ACACA: variants seen among roughly 807,000 people sequenced by gnomAD.
ACACA encodes the protein acetyl-CoA carboxylase alpha, also known as acetyl-CoA carboxylase 1.
ACACA carries 103 observed loss-of-function variants against 296.1 expected under a neutral mutation model. The observed-to-expected ratio is 0.35, with a 90% CI of 0.30 to 0.41. The LOEUF (loss-of-function observed/expected upper bound fraction) is 0.41, where lower values mean the gene tolerates loss of function less well. ACACA is among the 10% of genes least tolerant of loss of function. The pLI is 1.00. For missense variants in ACACA, 1,554 were observed against 2,989.7 expected, an observed-to-expected ratio of 0.52 and a Z score of 11.20; for synonymous variants, 953 against 1,038.6, an observed-to-expected ratio of 0.92 and a Z score of 1.58.
intron 2 of ACACA, among the ~76,000 whole-genome samples, chr17:37,332,220 T>A (rs1239974575): frequency 1.8e-4 from 25 of 138,550 alleles, no homozygotes; most frequent in African/African-American, 2.4e-4. Flanking sequence ...AAGTATAATT[T>A]AAAAAAAAAA....
At chr17:37,156,386 A>C (rs2076253723) in intron 42 of ACACA, among the ~76,000 whole-genome samples, 1 of 151,132 alleles carries the variant, frequency 6.6e-6, no homozygotes, top group Non-Finnish European at 1.5e-5. Flanking sequence ...AACAGGGTTA[A>C]AGGGTCATTT....
intron 1 of ACACA, among the ~76,000 whole-genome samples, chr17:37,345,839 G>T (rs1267963099): frequency 3.3e-5 from 5 of 152,128 alleles, no homozygotes; most frequent in Non-Finnish European, 7.3e-5. Flanking sequence ...GATCAGGGGA[G>T]ATTAATGAGA....
At chr17:37,134,026 G>A (rs747806228) in intron 45 of ACACA, among the ~76,000 whole-genome samples, 5 of 152,096 alleles carry the variant, frequency 3.3e-5, no homozygotes, top group African/African-American at 1.2e-4. Context: ...TGCAGCCGGC[G>A]GACCTAAGAA....
At chr17:37,235,799 G>T (rs957036334) in intron 24 of ACACA, among the ~76,000 whole-genome samples, 2 of 152,090 alleles carry the variant, frequency 1.3e-5, no homozygotes, top group African/African-American at 4.8e-5. Flanking sequence ...AAGTCAAAAG[G>T]TCTGTAGGGA....
chr17:37,210,433 C>T (rs1337088220), intron 30 of ACACA, 34 bp downstream of exon 30: 1 of 1,599,614 alleles, frequency 6.3e-7, no homozygotes, highest in Admixed American at 1.7e-5. Flanking sequence ...CATAAAGGTG[C>T]TTTTAATTGG....
At chr17:37,216,033 A>C (rs934482041) in intron 29 of ACACA, among the ~76,000 whole-genome samples, 11 of 151,222 alleles carry the variant, frequency 7.3e-5, no homozygotes, top group Non-Finnish European at 1.3e-4. Flanking sequence ...TCAAGAACAC[A>C]AGTCAGTTAA....
chr17:37,130,050 T>G, intron 46 of ACACA, 25 bp downstream of exon 46: 1 of 1,613,914 alleles, frequency 6.2e-7, no homozygotes, highest in Non-Finnish European at 8.5e-7. Context: ...GCAGGCCATG[T>G]CAGTGCTGGG....
intron 28 of ACACA, among the ~76,000 whole-genome samples, chr17:37,222,289 T>C (rs2079331497): frequency 6.6e-6 from 1 of 152,128 alleles, no homozygotes; most frequent in Admixed American, 6.5e-5. Context: ...GTTCAACTCT[T>C]TTACTATCTC....
At chr17:37,257,670 T>C (rs770405443) in intron 14 of ACACA, 33 bp downstream of exon 14, 13 of 1,609,654 alleles carry the variant, frequency 8.1e-6, no homozygotes, top group Middle Eastern at 1.7e-4. Context: ...CAAATTTATT[T>C]TGTAAAATGC....
At chr17:37,290,462 T>C (rs969490248) in intron 3 of ACACA, among the ~76,000 whole-genome samples, 20 of 152,218 alleles carry the variant, frequency 1.3e-4, no homozygotes, top group African/African-American at 3.1e-4. Context: ...GCTCTTCACA[T>C]GCACTGGCAT....
intron 3 of ACACA, among the ~76,000 whole-genome samples, chr17:37,326,570 C>A (rs2047633872): frequency 6.6e-6 from 1 of 151,896 alleles, no homozygotes; most frequent in South Asian, 2.1e-4. Context: ...CTGGCTCACG[C>A]CTGTAATCCC....
chr17:37,357,229 A>T (rs2049183631), intron 1 of ACACA, among the ~76,000 whole-genome samples: 1 of 152,214 alleles, frequency 6.6e-6, no homozygotes, highest in Non-Finnish European at 1.5e-5. Flanking sequence ...GTGGTGGCTC[A>T]TGCCTATAAT....
chr17:37,115,316 C>A (rs993016524), intron 50 of ACACA, among the ~76,000 whole-genome samples: 3 of 152,168 alleles, frequency 2.0e-5, no homozygotes, highest in Admixed American at 1.3e-4. Context: ...GATATTTCAA[C>A]CAGTGCTACA....
intron 1 of ACACA, among the ~76,000 whole-genome samples, chr17:37,390,289 ATATATTATACATAAT>A (rs2050780848): frequency 7.8e-5 from 4 of 51,308 alleles, no homozygotes; most frequent in Non-Finnish European, 1.2e-4. Context: ...ATATATAATT[ATATATTATACATAAT>A]TATATATATA....
At chr17:37,327,047 C>G (rs983720596) in intron 3 of ACACA, among the ~76,000 whole-genome samples, 13 of 152,148 alleles carry the variant, frequency 8.5e-5, no homozygotes, top group African/African-American at 3.1e-4. Flanking sequence ...CAGATGACCT[C>G]CAGTTAACAT....
intron 1 of ACACA, chr17:37,378,009 A>G: frequency 6.4e-7 from 1 of 1,561,376 alleles, no homozygotes; most frequent in South Asian, 1.1e-5. Context: ...GCCATTCCAA[A>G]AAATTTTTAC....
chr17:37,248,547 G>A, intron 17 of ACACA, 46 bp downstream of exon 17: 1 of 1,410,774 alleles, frequency 7.1e-7, no homozygotes, highest in Non-Finnish European at 1.0e-6. Context: ...CCTAAAGAAA[G>A]ATAGCTAAAA....
intron 51 of ACACA, 90 bp downstream of exon 51, chr17:37,112,998 G>T: frequency 1.4e-6 from 2 of 1,479,280 alleles, no homozygotes; most frequent in Non-Finnish European, 1.9e-6. Context: ...TGTGGGTGCT[G>T]TAGTGCCATG....
rs1228870482 is a variant in ACACA at position 37,087,295 on chromosome 17, G to A, written c.*21C>T. On this transcript the variant is annotated 3_prime_UTR_variant, in exon 56 of 56. Transcript: ENST00000616317. ...AGCCCTTTTCTCCAGAGACAGGGCA[G>A]GGACAGGCAGGAAGCTCTTCCTACG... is the stretch of plus-strand genomic sequence containing the variant. 6.2e-7 allele frequency: 1 copy of A among 1,613,908 alleles called. No homozygotes were observed. Among genetic ancestry groups the A allele is most frequent in the East Asian group, 2.2e-5 (1 of 44,902 alleles).
Sources: gnomAD v4.1 joint callset for allele counts (sites outside exome capture counted in the v4.1 genomes callset) on GRCh38, gnomAD v4.1.1 for gene constraint, MANE v1.5 for transcripts, NCBI Gene and HGNC (gene_info 2026-07-23, HGNC 2026-07-21) for gene names.